Variants in CRIM1 observed in about 807,000 individuals in gnomAD.
The protein encoded by CRIM1 is cysteine-rich motor neuron 1 protein.
Under a neutral mutation model 116.4 loss-of-function variants are expected in CRIM1, and 32 were observed. The ratio of observed to expected loss-of-function variants is 0.27; its 90% CI spans 0.21 to 0.37. CRIM1 has a LOEUF of 0.37. CRIM1 is among the 10% of genes least tolerant of loss of function. The probability of loss-of-function intolerance (pLI) is 1.00; values close to 1 mark genes in which losing one functional copy is unlikely to be tolerated. For missense variants in CRIM1, 1,331 were observed against 1,354.8 expected, an observed-to-expected ratio of 0.98 and a Z score of 0.28; for synonymous variants, 590 against 509.2, an observed-to-expected ratio of 1.16 and a Z score of -2.13.
At chr2:36,358,529 T>C (rs1352207555) in intron 1 of CRIM1, among the ~76,000 whole-genome samples, 1 of 152,232 alleles carries the variant, frequency 6.6e-6, no homozygotes, top group Non-Finnish European at 1.5e-5. Context: ...GTGGCAGCAA[T>C]ATCCCATGTC....
intron 13 of CRIM1, among the ~76,000 whole-genome samples, chr2:36,532,419 CAG>C (rs887331477): frequency 6.6e-6 from 1 of 152,160 alleles, no homozygotes; most frequent in Admixed American, 6.5e-5. Flanking sequence ...AAGTGTTAAA[CAG>C]AGATGTTCCT....
intron 2 of CRIM1, among the ~76,000 whole-genome samples, chr2:36,408,171 A>G (rs1371215386): frequency 1.3e-5 from 2 of 152,348 alleles, no homozygotes; most frequent in Admixed American, 6.5e-5. Context: ...GACAAAAACA[A>G]CCTGACAGGT....
At chr2:36,542,749 T>C (rs1010712897) in intron 14 of CRIM1, among the ~76,000 whole-genome samples, 11 of 152,154 alleles carry the variant, frequency 7.2e-5, no homozygotes, top group African/African-American at 1.9e-4. Context: ...GTCAAGTAAA[T>C]GGCGACATGG....
chr2:36,414,876 T>C (rs377121932), intron 2 of CRIM1, among the ~76,000 whole-genome samples: 1 of 152,184 alleles, frequency 6.6e-6, no homozygotes, highest in South Asian at 2.1e-4. Flanking sequence ...TGGATTTTAT[T>C]CTAAGTATAA....
At chr2:36,383,642 A>G (rs1670951704) in intron 1 of CRIM1, among the ~76,000 whole-genome samples, 1 of 152,216 alleles carries the variant, frequency 6.6e-6, no homozygotes, top group Non-Finnish European at 1.5e-5. Context: ...TCTGCTCTCA[A>G]GAAGCTCAGC....
At chr2:36,487,764 A>G (rs1057476719) in intron 7 of CRIM1, among the ~76,000 whole-genome samples, 3 of 152,152 alleles carry the variant, frequency 2.0e-5, no homozygotes, top group African/African-American at 4.8e-5. Flanking sequence ...TTTATCAATA[A>G]CACTTATTTG....
intron 12 of CRIM1, among the ~76,000 whole-genome samples, chr2:36,520,840 A>G (rs1332392594): frequency 1.3e-5 from 2 of 152,236 alleles, no homozygotes; most frequent in Non-Finnish European, 2.9e-5. Flanking sequence ...TCTGGATCAT[A>G]TGGCAACTAC....
rs1390223114 is a variant in CRIM1 at position 36,522,076 on chromosome 2, A to G, written c.2207-16A>G. 4.3e-6 allele frequency: 7 copies of G among 1,609,692 alleles called. No homozygotes were observed. The South Asian group carries it at 6.6e-5, about 15-fold the overall frequency. ...AACAGCATCTTCTTTGCTGACCTAT[A>G]TGTTCATTTTTCCAGATCAACCTTT... On this transcript the variant is annotated splice_polypyrimidine_tract_variant and intron_variant, in intron 12 of 16. Transcript: ENST00000280527.
intron 7 of CRIM1, among the ~76,000 whole-genome samples, chr2:36,482,436 T>C (rs1572842244): frequency 6.6e-6 from 1 of 152,188 alleles, no homozygotes; most frequent in Admixed American, 6.5e-5. Context: ...TAACACAAGG[T>C]GAATGGATCT....
At chr2:36,499,403 G>C (rs1680831308) in intron 8 of CRIM1, 56 bp downstream of exon 8, 2 of 1,519,026 alleles carry the variant, frequency 1.3e-6, no homozygotes, top group East Asian at 2.3e-5. Flanking sequence ...TATTGTCAAA[G>C]CATATTATGT....
intron 1 of CRIM1, among the ~76,000 whole-genome samples, chr2:36,390,292 A>G (rs112913823): frequency 0.038 from 5,773 of 152,336 alleles, 143 homozygotes; most frequent in South Asian, 0.071. Flanking sequence ...GGGAAAAAAT[A>G]GGGTTGGGGA....
At chr2:36,441,595 G>C (rs1424346083) in intron 3 of CRIM1, 95 bp downstream of exon 3, 2 of 1,473,240 alleles carry the variant, frequency 1.4e-6, no homozygotes, top group African/African-American at 1.4e-5. Flanking sequence ...TTCACACGAA[G>C]ATGGGCCTTC....
chr2:36,444,125 C>G (rs778144252), intron 4 of CRIM1, among the ~76,000 whole-genome samples: 1 of 152,152 alleles, frequency 6.6e-6, no homozygotes, highest in Non-Finnish European at 1.5e-5. Context: ...CCTAATTAAT[C>G]AAAACTAAGC....
intron 12 of CRIM1, among the ~76,000 whole-genome samples, chr2:36,521,678 C>A (rs914137022): frequency 2.6e-5 from 4 of 152,122 alleles, no homozygotes; most frequent in Admixed American, 2.6e-4. Flanking sequence ...GAAAGCTTTC[C>A]CAGAAATCCC....
intron 12 of CRIM1, among the ~76,000 whole-genome samples, chr2:36,518,597 C>G (rs1177334578): frequency 2.0e-5 from 3 of 152,102 alleles, no homozygotes; most frequent in Non-Finnish European, 4.4e-5. Context: ...GCACGGCAGC[C>G]CAAGTATTAC....
intron 4 of CRIM1, among the ~76,000 whole-genome samples, chr2:36,462,263 C>G (rs1382332982): frequency 6.6e-6 from 1 of 152,138 alleles, no homozygotes; most frequent in East Asian, 1.9e-4. Context: ...ATAATGTTTA[C>G]TCTTTGGGTG....
At chr2:36,445,232 T>C (rs754366654) in intron 4 of CRIM1, among the ~76,000 whole-genome samples, 4 of 152,216 alleles carry the variant, frequency 2.6e-5, no homozygotes, top group African/African-American at 7.2e-5. Context: ...TACTACTCCC[T>C]GTCTCATTTT....
intron 6 of CRIM1, among the ~76,000 whole-genome samples, chr2:36,478,923 G>A (rs1679195928): frequency 5.9e-5 from 9 of 152,056 alleles, no homozygotes; most frequent in Admixed American, 5.9e-4. Context: ...GAGAAAAAAT[G>A]GCCTAAGTTC....
At chr2:36,441,137 G>A in intron 2 of CRIM1, 121 bp from the exon 3 acceptor site, 1 of 1,348,266 alleles carries the variant, frequency 7.4e-7, no homozygotes, top group Non-Finnish European at 1.0e-6. Context: ...GGTTTACACT[G>A]AATTTCTTTC....
Sources: allele counts gnomAD v4.1 joint callset (sites outside exome capture counted in the v4.1 genomes callset), GRCh38; gene constraint gnomAD v4.1.1; transcripts MANE v1.5; gene names NCBI Gene and HGNC (gene_info 2026-07-23, HGNC 2026-07-21).